ARHGAP26: variants seen among roughly 807,000 people sequenced by gnomAD.
ARHGAP26 encodes Rho GTPase activating protein 26.
A neutral mutation model predicts 104.8 loss-of-function variants in ARHGAP26; 38 were observed. The ratio of observed to expected loss-of-function variants is 0.36; its 90% CI spans 0.28 to 0.48. The LOEUF is 0.48. Among genes scored for constraint, ARHGAP26 ranks in the 20% least tolerant of loss-of-function variants. ARHGAP26 has a pLI of 0.99. For missense variants in ARHGAP26, 704 were observed against 947.9 expected, an observed-to-expected ratio of 0.74 and a Z score of 3.38; for synonymous variants, 341 against 340.0, an observed-to-expected ratio of 1.00 and a Z score of -0.03.
At chr5:143,126,223 TA>T (rs1328289722) in intron 18 of ARHGAP26, among the ~76,000 whole-genome samples, 2 of 152,138 alleles carry the variant, frequency 1.3e-5, no homozygotes, top group Non-Finnish European at 2.9e-5. Context: ...AGAGTAGAGA[TA>T]GGAGGGACAG....
intron 11 of ARHGAP26, among the ~76,000 whole-genome samples, chr5:143,010,391 C>T (rs1005587122): frequency 6.6e-6 from 1 of 152,328 alleles, no homozygotes; most frequent in Non-Finnish European, 1.5e-5. Flanking sequence ...TAGACCTCAT[C>T]CATATGGTGG....
intron 1 of ARHGAP26, among the ~76,000 whole-genome samples, chr5:142,845,728 G>C (rs965428331): frequency 6.6e-6 from 1 of 152,048 alleles, no homozygotes; most frequent in Non-Finnish European, 1.5e-5. Flanking sequence ...GATAACTGGC[G>C]GCCCTGTCTT....
intron 22 of ARHGAP26, among the ~76,000 whole-genome samples, chr5:143,214,850 G>A (rs1810086393): frequency 1.3e-5 from 2 of 152,220 alleles, no homozygotes; most frequent in South Asian, 2.1e-4. Context: ...CTGCATGTGG[G>A]CGTCTGAGTC....
chr5:143,039,370 G>A (rs1336681645), intron 13 of ARHGAP26, among the ~76,000 whole-genome samples: 2 of 151,906 alleles, frequency 1.3e-5, no homozygotes, highest in Non-Finnish European at 2.9e-5. Flanking sequence ...ACCATGCCCA[G>A]CTAATTTTTG....
At chr5:142,923,532 TC>T (rs1763479708) in intron 10 of ARHGAP26, among the ~76,000 whole-genome samples, 1 of 152,216 alleles carries the variant, frequency 6.6e-6, no homozygotes, top group South Asian at 2.1e-4. Flanking sequence ...TAATGCCTTG[TC>T]CTTGTGCAGT....
chr5:143,105,378 A>AAAATAAATAAATAAAT (rs34365485), intron 17 of ARHGAP26, among the ~76,000 whole-genome samples: 28 of 140,462 alleles, frequency 2.0e-4, no homozygotes, highest in Admixed American at 2.9e-4. Flanking sequence ...CTCCATCTCA[A>AAAATAAATAAATAAAT]AAATAAATAA....
At chr5:143,178,103 G>T (rs998946828) in intron 20 of ARHGAP26, among the ~76,000 whole-genome samples, 1 of 139,374 alleles carries the variant, frequency 7.2e-6, no homozygotes, top group African/African-American at 2.7e-5. Flanking sequence ...AGGCTCAAAT[G>T]ATTCTCCTGC....
chr5:142,814,784 T>G (rs1168864947), intron 1 of ARHGAP26, among the ~76,000 whole-genome samples: 1 of 152,204 alleles, frequency 6.6e-6, no homozygotes, highest in Non-Finnish European at 1.5e-5. Flanking sequence ...TTTCCCTATC[T>G]GTAAGATGGT....
intron 1 of ARHGAP26, among the ~76,000 whole-genome samples, chr5:142,852,191 G>A (rs1751630279): frequency 6.6e-6 from 1 of 152,248 alleles, no homozygotes; most frequent in African/African-American, 2.4e-5. Context: ...GCATCAGAGA[G>A]GTAGTTTGGC....
intron 20 of ARHGAP26, among the ~76,000 whole-genome samples, chr5:143,176,262 G>A (rs1803460017): frequency 6.6e-6 from 1 of 152,152 alleles, no homozygotes; most frequent in African/African-American, 2.4e-5. Context: ...TGTGTAGTGA[G>A]CCATCTGCTG....
chr5:142,915,901 C>G (rs1325621689), intron 10 of ARHGAP26, among the ~76,000 whole-genome samples: 1 of 152,134 alleles, frequency 6.6e-6, no homozygotes, highest in Non-Finnish European at 1.5e-5. Flanking sequence ...TGCCCGGAAT[C>G]CTTTTCTCTC....
chr5:142,826,804 A>C (rs1215536283), intron 1 of ARHGAP26, among the ~76,000 whole-genome samples: 2 of 152,206 alleles, frequency 1.3e-5, no homozygotes, highest in African/African-American at 4.8e-5. Context: ...CTACTATTTC[A>C]AATGCCAAGA....
rs115697432 is a variant in ARHGAP26 at position 142,861,923 on chromosome 5, C to T, written c.155-11477C>T. On this transcript the variant is annotated intron_variant, in intron 1 of 22. Coordinates refer to ENST00000645722, the MANE Select transcript of ARHGAP26 (RefSeq NM_001135608.3). ...TTTACCCACCATACCTTGTTTTTCT[C>T]TTGATTGCCCTCAAATTCACGTTAG... Among the ~76,000 whole-genome samples, 1,080 of 152,292 alleles carry T rather than the reference C, an allele frequency of 7.1e-3. 6 individuals are homozygous for T. Among genetic ancestry groups the T allele is most frequent in the Middle Eastern group, 0.024 (7 of 294 alleles).
intron 1 of ARHGAP26, among the ~76,000 whole-genome samples, chr5:142,819,128 C>T (rs1765648299): frequency 6.6e-6 from 1 of 152,176 alleles, no homozygotes. Flanking sequence ...CAGCTGGTGT[C>T]TCCTCTTACT....
intron 12 of ARHGAP26, among the ~76,000 whole-genome samples, chr5:143,020,682 A>G (rs1475553059): frequency 8.5e-6 from 1 of 118,192 alleles, no homozygotes; most frequent in Non-Finnish European, 1.6e-5. Context: ...TCTGTTGCCC[A>G]GGCTGGAGTG....
At chr5:143,180,699 A>T (rs1454454871) in intron 20 of ARHGAP26, among the ~76,000 whole-genome samples, 1 of 152,136 alleles carries the variant, frequency 6.6e-6, no homozygotes, top group East Asian at 1.9e-4. Flanking sequence ...ATCAGATCTC[A>T]TGAGAACTCA....
chr5:142,774,661 A>C (rs576272332), intron 1 of ARHGAP26, among the ~76,000 whole-genome samples: 8 of 152,316 alleles, frequency 5.3e-5, no homozygotes, highest in Admixed American at 4.6e-4. Flanking sequence ...CAAATGTATA[A>C]TGACATATAA....
At chr5:142,793,252 C>CTTTTTT (rs56941301) in intron 1 of ARHGAP26, among the ~76,000 whole-genome samples, 33 of 107,130 alleles carry the variant, frequency 3.1e-4, no homozygotes, top group East Asian at 2.2e-3. Context: ...TATCCCTTTG[C>CTTTTTT]TTTTTTTTTT....
At chr5:143,084,518 G>C (rs781062806) in intron 17 of ARHGAP26, among the ~76,000 whole-genome samples, 1 of 152,188 alleles carries the variant, frequency 6.6e-6, no homozygotes, top group Non-Finnish European at 1.5e-5. Context: ...GATTTGGAGG[G>C]AGGCGTGTTT....
Sources: allele counts gnomAD v4.1 joint callset (sites outside exome capture counted in the v4.1 genomes callset), GRCh38; gene constraint gnomAD v4.1.1; transcripts MANE v1.5; gene names NCBI Gene and HGNC (gene_info 2026-07-23, HGNC 2026-07-21).